C1QTNF7: variants seen among roughly 807,000 people sequenced by gnomAD.
C1QTNF7 encodes C1q and TNF related 7.
A neutral mutation model predicts 19.6 loss-of-function variants in C1QTNF7; 15 were observed. That is an observed-to-expected ratio of 0.76 (90% CI 0.51 to 1.18). The LOEUF is 1.18. Ranked by LOEUF, C1QTNF7 falls within the 50% of genes most tolerant of loss-of-function variation. The probability of loss-of-function intolerance (pLI) is 0.00; values close to 1 mark genes in which losing one functional copy is unlikely to be tolerated. For missense variants in C1QTNF7, 324 were observed against 359.7 expected, an observed-to-expected ratio of 0.90 and a Z score of 0.80; for synonymous variants, 142 against 137.5, an observed-to-expected ratio of 1.03 and a Z score of -0.23.
chr4:15,433,389 G>A (rs928858803), intron 1 of C1QTNF7, among the ~76,000 whole-genome samples: 3 of 151,808 alleles, frequency 2.0e-5, no homozygotes, highest in South Asian at 2.1e-4. Flanking sequence ...GGCCCTGCAC[G>A]CTCCAGGCCT....
At chr4:15,374,902 C>A (rs1299425461) in intron 1 of C1QTNF7, 1 of 365,702 alleles carries the variant, frequency 2.7e-6, no homozygotes, top group Non-Finnish European at 3.8e-6. Flanking sequence ...GGGTGTTTAC[C>A]GACTGGGGCT....
At chr4:15,387,231 G>A (rs1718373036) in intron 1 of C1QTNF7, among the ~76,000 whole-genome samples, 1 of 152,186 alleles carries the variant, frequency 6.6e-6, no homozygotes, top group African/African-American at 2.4e-5. Context: ...GTGTGTGGGG[G>A]ACAGGTTGAG....
chr4:15,420,855 T>TTA (rs1553890372), intron 1 of C1QTNF7, among the ~76,000 whole-genome samples: 1 of 147,154 alleles, frequency 6.8e-6, no homozygotes, highest in Non-Finnish European at 1.5e-5. Flanking sequence ...TTTTTTTTTT[T>TTA]ACCAAACCTC....
chr4:15,379,532 A>G (rs1235274589), intron 1 of C1QTNF7, among the ~76,000 whole-genome samples: 1 of 152,238 alleles, frequency 6.6e-6, no homozygotes, highest in African/African-American at 2.4e-5. Context: ...AAGTTCATCA[A>G]CTAGCAAGCA....
At chr4:15,355,653 A>C (rs1448007837) in intron 1 of C1QTNF7, among the ~76,000 whole-genome samples, 1 of 152,108 alleles carries the variant, frequency 6.6e-6, no homozygotes, top group East Asian at 1.9e-4. Flanking sequence ...CTGAGATCAC[A>C]TGCACAGGAG....
rs528030524 is a variant in C1QTNF7 at position 15,385,480 on chromosome 4, G to A, written c.13+45273G>A. 1.4e-4 allele frequency among the ~76,000 whole-genome samples: 22 copies of A among 152,328 alleles called. 1 individual carries two copies. The highest frequency in any genetic ancestry group is 1.3e-3 in the Admixed American group (20 of 15,300). On this transcript the variant is annotated intron_variant, in intron 1 of 2. Transcript: ENST00000295297. Reference sequence around the variant, plus strand: ...GAGGACAGAAGGCAGGATGGACTGTGCTTGGTTTGTTTCAGGAACAACAAA... The same window carrying A: ...GAGGACAGAAGGCAGGATGGACTGTACTTGGTTTGTTTCAGGAACAACAAA...
chr4:15,339,864 T>A (rs111427693), upstream of C1QTNF7: 256 of 442,918 alleles, frequency 5.8e-4, no homozygotes, highest in Non-Finnish European at 9.1e-4. Context: ...GTGTATATAT[T>A]AAGCTCTTTG....
intron 1 of C1QTNF7, among the ~76,000 whole-genome samples, chr4:15,376,238 C>T (rs1408782454): frequency 6.6e-6 from 1 of 152,238 alleles, no homozygotes; most frequent in Non-Finnish European, 1.5e-5. Context: ...TGAACACTGA[C>T]TGTCTGAGCT....
intron 1 of C1QTNF7, among the ~76,000 whole-genome samples, chr4:15,378,424 GA>G (rs1196927650): frequency 6.6e-6 from 1 of 152,082 alleles, no homozygotes; most frequent in African/African-American, 2.4e-5. Flanking sequence ...TGTATGAAAA[GA>G]AGAAAGAAAA....
chr4:15,355,325 A>T (rs1223008511), intron 1 of C1QTNF7, among the ~76,000 whole-genome samples: 1 of 152,148 alleles, frequency 6.6e-6, no homozygotes, highest in Non-Finnish European at 1.5e-5. Context: ...CTGCCCCCTC[A>T]TCTGCTGCCA....
At chr4:15,440,011 TATA>T (rs59128592) in intron 2 of C1QTNF7, among the ~76,000 whole-genome samples, 40,418 of 151,582 alleles carry the variant, frequency 0.27, 6,471 homozygotes, top group East Asian at 0.37. Flanking sequence ...ATATTGTATA[TATA>T]ATGTGTTATA....
At chr4:15,373,354 C>T (rs1663244250) in intron 1 of C1QTNF7, among the ~76,000 whole-genome samples, 1 of 152,184 alleles carries the variant, frequency 6.6e-6, no homozygotes, top group Non-Finnish European at 1.5e-5. Flanking sequence ...GACCTAATGA[C>T]CTCCTAAATG....
At chr4:15,392,000 C>T (rs189744433) in intron 1 of C1QTNF7, among the ~76,000 whole-genome samples, 23 of 152,250 alleles carry the variant, frequency 1.5e-4, no homozygotes, top group African/African-American at 4.8e-4. Context: ...CCTGAGTGCC[C>T]AGGTCCTCAG....
At chr4:15,428,477 T>G (rs1382242534) in intron 1 of C1QTNF7, among the ~76,000 whole-genome samples, 1 of 150,910 alleles carries the variant, frequency 6.6e-6, no homozygotes, top group Admixed American at 6.8e-5. Context: ...ATTGATGAAT[T>G]TTTTTTTCTT....
upstream of C1QTNF7, among the ~76,000 whole-genome samples, chr4:15,425,391 G>C (rs1451560304): frequency 6.6e-6 from 1 of 152,156 alleles, no homozygotes; most frequent in Non-Finnish European, 1.5e-5. Flanking sequence ...AGAAAGTGAT[G>C]CATACAGAAG....
At chr4:15,347,721 A>C (rs564208467) in intron 1 of C1QTNF7, among the ~76,000 whole-genome samples, 40 of 152,288 alleles carry the variant, frequency 2.6e-4, no homozygotes, top group Non-Finnish European at 4.4e-4. Flanking sequence ...GGGCCACTCT[A>C]CCCTGGATAT....
chr4:15,408,094 C>G (rs1011461327), intron 1 of C1QTNF7, among the ~76,000 whole-genome samples: 3 of 151,706 alleles, frequency 2.0e-5, no homozygotes, highest in Non-Finnish European at 4.4e-5. Context: ...TGGTGAAATC[C>G]CATCTCTACT....
intron 1 of C1QTNF7, among the ~76,000 whole-genome samples, chr4:15,377,541 G>A (rs1181236362): frequency 6.6e-6 from 1 of 152,128 alleles, no homozygotes; most frequent in Non-Finnish European, 1.5e-5. Flanking sequence ...CAGCAACATA[G>A]AGTATTTGCT....
chr4:15,396,351 A>G (rs978782484), intron 1 of C1QTNF7, among the ~76,000 whole-genome samples: 2 of 152,176 alleles, frequency 1.3e-5, no homozygotes, highest in Non-Finnish European at 2.9e-5. Flanking sequence ...GGCAGACAGC[A>G]CTGACACAGA....
Sources: allele counts gnomAD v4.1 joint callset (sites outside exome capture counted in the v4.1 genomes callset), GRCh38; gene constraint gnomAD v4.1.1; transcripts MANE v1.5; gene names NCBI Gene and HGNC (gene_info 2026-07-23, HGNC 2026-07-21).